MTAP: variants seen among roughly 807,000 people sequenced by gnomAD.
The protein encoded by MTAP is S-methyl-5'-thioadenosine phosphorylase.
In MTAP, 33 loss-of-function variants were observed where a neutral mutation model predicts 33.6. The ratio of observed to expected loss-of-function variants is 0.98; its 90% CI spans 0.74 to 1.31. The LOEUF (loss-of-function observed/expected upper bound fraction) is 1.31, where lower values mean the gene tolerates loss of function less well. Among genes scored for constraint, MTAP ranks in the 40% most tolerant of loss-of-function variants. MTAP has a pLI of 0.00. For missense variants in MTAP, 367 were observed against 360.0 expected, an observed-to-expected ratio of 1.02 and a Z score of -0.16; for synonymous variants, 148 against 125.7, an observed-to-expected ratio of 1.18 and a Z score of -1.19.
chr9:21,871,588 T>A (rs944172640), downstream of MTAP, among the ~76,000 whole-genome samples: 2 of 152,242 alleles, frequency 1.3e-5, no homozygotes, highest in African/African-American at 2.4e-5. Context: ...ATATAAGAGA[T>A]ACTGTGTATG....
intron 1 of MTAP, among the ~76,000 whole-genome samples, chr9:21,894,714 G>T (rs1355613389): frequency 6.6e-6 from 1 of 151,678 alleles, no homozygotes; most frequent in Non-Finnish European, 1.5e-5. Context: ...CCTGCACGTT[G>T]TGCACATGTA....
At chr9:21,821,672 A>G (rs1218592732) in intron 4 of MTAP, among the ~76,000 whole-genome samples, 2 of 152,092 alleles carry the variant, frequency 1.3e-5, no homozygotes, top group African/African-American at 4.8e-5. Flanking sequence ...CTCTTTTTTT[A>G]TTGATTGGAA....
At chr9:21,931,008 A>G in exon 2 of MTAP, 2 of 763,008 alleles carry the variant, frequency 2.6e-6, no homozygotes, top group Admixed American at 1.7e-5. Context: ...TCACCTTTAG[A>G]TGATCAAGTT....
intron 5 of MTAP, among the ~76,000 whole-genome samples, chr9:21,842,557 A>G (rs1464860132): frequency 6.6e-6 from 1 of 152,354 alleles, no homozygotes; most frequent in East Asian, 1.9e-4. Context: ...CAGACTTCTC[A>G]GCAGAAATCT....
intron 4 of MTAP, among the ~76,000 whole-genome samples, chr9:21,830,651 G>A (rs1459120986): frequency 6.6e-6 from 1 of 152,120 alleles, no homozygotes; most frequent in Non-Finnish European, 1.5e-5. Flanking sequence ...CATAATTTTG[G>A]AACTTCTCTC....
rs1303703672 is a variant in MTAP, at chr9:21,922,074, G to A, written c.148-8934G>A. On this transcript the variant is annotated intron_variant, in intron 1 of 1. Coordinates refer to the MTAP transcript ENST00000577563. The surrounding 1 kb of genome is among the most constrained non-coding windows in gnomAD (Gnocchi z 4.8). ...CAATATATGGAAAACACTTGAAGCC[G>A]GTGGCCAACAGCTTCCCAATAAGGA... Among the ~76,000 whole-genome samples, 8 of 152,060 alleles carry A rather than the reference G, an allele frequency of 5.3e-5. No individual in the cohort carries two copies. The highest frequency in any genetic ancestry group is 1.2e-4 in the African/African-American group (5 of 41,404).
chr9:21,939,341 G>A (rs538022955), downstream of MTAP, among the ~76,000 whole-genome samples: 44 of 152,226 alleles, frequency 2.9e-4, no homozygotes, highest in African/African-American at 7.0e-4. Flanking sequence ...ATGACTTTTC[G>A]TTTGAAACAT....
At chr9:21,909,751 T>C (rs1818539223) in intron 1 of MTAP, among the ~76,000 whole-genome samples, 1 of 152,184 alleles carries the variant, frequency 6.6e-6, no homozygotes, top group African/African-American at 2.4e-5. Context: ...TGCCAGATAG[T>C]ATGGCATTCA....
At chr9:21,859,209 T>A in intron 6 of MTAP, 94 bp from the exon 7 acceptor site, 11 of 1,509,628 alleles carry the variant, frequency 7.3e-6, no homozygotes, top group Non-Finnish European at 9.8e-6. Context: ...ACACAAACAT[T>A]TAGGCTGTAG....
At chr9:21,939,030 C>G (rs949617943), downstream of MTAP, among the ~76,000 whole-genome samples, 3 of 152,142 alleles carry the variant, frequency 2.0e-5, no homozygotes, top group African/African-American at 7.2e-5. Context: ...GGGAGGGACC[C>G]AGGGAGAGGT....
Position 21,826,825 on chromosome 9 carries a change from CAGA to C in MTAP, c.347+8629_347+8631del, listed in dbSNP as rs941801551. Among the ~76,000 whole-genome samples, 149 of 152,038 alleles carry C rather than the reference CAGA, an allele frequency of 9.8e-4. 1 individual carries two copies. The highest frequency in any genetic ancestry group is 3.5e-3 in the African/African-American group (147 of 41,470). On this transcript the variant is annotated intron_variant, in intron 4 of 7. Transcript: ENST00000644715. The stretch of plus-strand genomic sequence containing the variant: ...GTGGCTTGTTAGGAACCGGGCTGCA[CAGA>C]AGAAGGTGAGCCGTGGGGCGAGAGC...
At chr9:21,825,279 G>T (rs1335713136) in intron 4 of MTAP, among the ~76,000 whole-genome samples, 2 of 152,134 alleles carry the variant, frequency 1.3e-5, no homozygotes, top group African/African-American at 4.8e-5. Flanking sequence ...TTCATCTGTT[G>T]ATGGACGTTT....
At chr9:21,811,732 T>A (rs1343156850) in intron 1 of MTAP, 8 of 531,730 alleles carry the variant, frequency 1.5e-5, no homozygotes, top group Admixed American at 7.8e-5. Flanking sequence ...CCTCGGTGAA[T>A]TCCATCTCAT....
At chr9:21,802,931 A>ACTTGC (rs1473058129) in intron 1 of MTAP, 150 bp downstream of exon 1, 3 of 1,378,458 alleles carry the variant, frequency 2.2e-6, no homozygotes, top group Non-Finnish European at 2.8e-6. Context: ...CTCGGGACTC[A>ACTTGC]CTTGCCGCGC....
At chr9:21,857,804 A>C (rs759704981) in intron 6 of MTAP, among the ~76,000 whole-genome samples, 2 of 152,180 alleles carry the variant, frequency 1.3e-5, no homozygotes, top group Non-Finnish European at 2.9e-5. Flanking sequence ...TTTCTGGTTA[A>C]ATGCCTTAAA....
At position 21,865,533 on chromosome 9, in the gene MTAP, G is replaced by A; in HGVS notation, c.*3519G>A. The A allele has an allele frequency of 1.0e-6, 1 of 985,632 alleles. No individual in the cohort carries two copies. The highest frequency in any genetic ancestry group is 1.2e-6 in the Non-Finnish European group (1 of 829,962). 61.1% of individuals were successfully genotyped at this position (985,632 alleles called of 1,614,324 possible). A position where few individuals can be genotyped will look rare whatever the true frequency, so the allele number is the denominator to read the frequency against. On this transcript the variant is annotated 3_prime_UTR_variant, in exon 8 of 8. Transcript: ENST00000644715. ...GTATATATTGGCCCAGCAAGGCAAA[G>A]AACTGAAGTTCCAGGATGGAAGAAC...
At chr9:21,875,368 T>A (rs919610179) in intron 1 of MTAP, among the ~76,000 whole-genome samples, 1 of 152,162 alleles carries the variant, frequency 6.6e-6, no homozygotes, top group Non-Finnish European at 1.5e-5. Flanking sequence ...CTTTTTTTCA[T>A]GTTTGTTGAC....
At chr9:21,888,225 T>C (rs1818145227) in intron 1 of MTAP, among the ~76,000 whole-genome samples, 1 of 152,192 alleles carries the variant, frequency 6.6e-6, no homozygotes, top group Admixed American at 6.5e-5. Flanking sequence ...TGTTGAGATT[T>C]GTTTTGGGGT....
At chr9:21,880,626 CA>C (rs1817991355) in intron 1 of MTAP, among the ~76,000 whole-genome samples, 1 of 151,866 alleles carries the variant, frequency 6.6e-6, no homozygotes, top group Non-Finnish European at 1.5e-5. Context: ...AATCCAAAAT[CA>C]AATTATAAAT....
Sources: gnomAD v4.1 joint callset for allele counts (sites outside exome capture counted in the v4.1 genomes callset) on GRCh38, gnomAD v4.1.1 for gene constraint, Gnocchi (gnomAD v3.1) non-coding constraint, MANE v1.5 for transcripts, NCBI Gene and HGNC (gene_info 2026-07-23, HGNC 2026-07-21) for gene names.